TAF3: variants seen among roughly 807,000 people sequenced by gnomAD.
The protein encoded by TAF3 is TATA-box binding protein associated factor 3.
A neutral mutation model predicts 80.6 loss-of-function variants in TAF3; 7 were observed. The observed-to-expected ratio is 0.09, with a 90% CI of 0.05 to 0.16. The LOEUF is 0.16. TAF3 is among the 10% of genes least tolerant of loss of function. The pLI, the probability that TAF3 is intolerant of heterozygous loss-of-function variation, is 1.00. For synonymous variants in TAF3, 444 were observed against 446.1 expected (o/e 1.00, Z 0.06); for missense variants, 921 against 1,140.2 (o/e 0.81, Z 2.77).
chr10:7,821,495 A>G (rs538711841), intron 1 of TAF3, among the ~76,000 whole-genome samples: 1 of 152,248 alleles, frequency 6.6e-6, no homozygotes, highest in African/African-American at 2.4e-5. Flanking sequence ...TCAGGAAACA[A>G]CAAACTGATG....
chr10:7,995,759 G>A (rs1831881671), intron 4 of TAF3, among the ~76,000 whole-genome samples: 1 of 152,166 alleles, frequency 6.6e-6, no homozygotes. Flanking sequence ...ATGAGATGAT[G>A]TAAATATTAA....
chr10:7,965,483 C>T lies in TAF3; in HGVS notation c.1973C>T (p.Pro658Leu), dbSNP rs760100308. 1.2e-6 allele frequency: 2 copies of T among 1,609,156 alleles called. No homozygotes were observed. Among genetic ancestry groups the T allele is most frequent in the Admixed American group, 1.7e-5 (1 of 58,756 alleles). Residue 658 changes from proline to leucine, a missense_variant, in exon 3 of 7, where the codon CCA becomes CTA. Pro to Leu is a moderately conservative substitution (Grantham distance 98). This residue lies in a region of TAF3 where 743 missense variants were observed against 821.0 expected (regional missense o/e 0.90). Transcript: ENST00000344293. ...KAPAPPLVLP[P>L]KELALPLFSP... ...CCAGCACCCCCACTGGTGTTGCCCC[C>T]AAAAGAGTTGGCCCTGCCCTTGTTC...
At chr10:7,881,481 AT>A (rs1837361060) in intron 2 of TAF3, among the ~76,000 whole-genome samples, 2 of 136,436 alleles carry the variant, frequency 1.5e-5, no homozygotes, top group Non-Finnish European at 3.3e-5. Context: ...AGACACACAC[AT>A]ACACACAAAC....
intron 4 of TAF3, among the ~76,000 whole-genome samples, chr10:7,981,064 A>G (rs1433729694): frequency 1.3e-5 from 2 of 152,226 alleles, no homozygotes; most frequent in East Asian, 1.9e-4. Context: ...CAACTCTTCT[A>G]TAAAGCTCAA....
chr10:7,939,549 A>G (rs1295941105), intron 2 of TAF3, among the ~76,000 whole-genome samples: 1 of 151,124 alleles, frequency 6.6e-6, no homozygotes, highest in Non-Finnish European at 1.5e-5. Context: ...CCTCAGAAAT[A>G]GAGACAATGT....
intron 2 of TAF3, among the ~76,000 whole-genome samples, chr10:7,917,826 G>A (rs1480390360): frequency 6.6e-6 from 1 of 152,190 alleles, no homozygotes; most frequent in African/African-American, 2.4e-5. Flanking sequence ...ACTGAAAATG[G>A]ACCATTGGAT....
intron 2 of TAF3, among the ~76,000 whole-genome samples, chr10:7,830,326 T>TCCTC (rs1836785726): frequency 7.2e-6 from 1 of 139,568 alleles, no homozygotes; most frequent in African/African-American, 2.6e-5. Flanking sequence ...CCCCACCCCT[T>TCCTC]CCTCCCTCCC....
At chr10:7,886,114 TG>T (rs888361822) in intron 2 of TAF3, among the ~76,000 whole-genome samples, 1 of 151,856 alleles carries the variant, frequency 6.6e-6, no homozygotes, top group Non-Finnish European at 1.5e-5. Context: ...TGTAGAGATG[TG>T]GGGGGGTCTC....
At chr10:7,920,332 ATGTGTGTGTG>A (rs1347512701) in intron 2 of TAF3, among the ~76,000 whole-genome samples, 1 of 28,878 alleles carries the variant, frequency 3.5e-5, no homozygotes, top group Non-Finnish European at 1.0e-4. Context: ...GTGTGTGTGT[ATGTGTGTGTG>A]TGTGTGTAAA....
chr10:8,005,943 C>T (rs144033060), intron 4 of TAF3, among the ~76,000 whole-genome samples: 2 of 152,150 alleles, frequency 1.3e-5, no homozygotes, highest in Non-Finnish European at 2.9e-5. Flanking sequence ...TAGTAGTAAC[C>T]TGTGTTAATT....
At chr10:7,864,200 T>C (rs1432898366) in intron 2 of TAF3, among the ~76,000 whole-genome samples, 1 of 152,216 alleles carries the variant, frequency 6.6e-6, no homozygotes, top group Admixed American at 6.5e-5. Context: ...ACAGAGTAGT[T>C]TCACTGCCTT....
intron 2 of TAF3, among the ~76,000 whole-genome samples, chr10:7,959,398 T>G (rs1838168447): frequency 6.6e-6 from 1 of 152,228 alleles, no homozygotes; most frequent in South Asian, 2.1e-4. Context: ...TTCATTTCTA[T>G]TCCTTTAAAT....
chr10:8,014,515 C>T, intron 6 of TAF3, 122 bp from the exon 7 acceptor site: 3 of 776,978 alleles, frequency 3.9e-6, no homozygotes, highest in Non-Finnish European at 6.1e-6. Flanking sequence ...CAAGTTAGTG[C>T]TGCTTGACTT....
intron 2 of TAF3, among the ~76,000 whole-genome samples, chr10:7,840,404 G>A (rs1378133497): frequency 1.3e-5 from 2 of 151,674 alleles, no homozygotes; most frequent in Non-Finnish European, 2.9e-5. Context: ...CGCCCGCCTC[G>A]GCCTCCCAAA....
intron 2 of TAF3, among the ~76,000 whole-genome samples, chr10:7,928,649 T>C (rs1156538532): frequency 6.6e-6 from 1 of 152,216 alleles, no homozygotes; most frequent in African/African-American, 2.4e-5. Flanking sequence ...TTAGAACAGA[T>C]AAGGATGAAT....
intron 2 of TAF3, among the ~76,000 whole-genome samples, chr10:7,834,136 C>A (rs1479203522): frequency 1.3e-5 from 2 of 152,046 alleles, no homozygotes; most frequent in East Asian, 1.9e-4. Context: ...CACGTGTTTT[C>A]CTCCTCACCC....
At chr10:7,936,827 GCTTCT>G (rs1301086943) in intron 2 of TAF3, among the ~76,000 whole-genome samples, 1 of 151,586 alleles carries the variant, frequency 6.6e-6, no homozygotes, top group Non-Finnish European at 1.5e-5. Flanking sequence ...CCTCTTTGCT[GCTTCT>G]CTTCATCCCT....
In TAF3 at chr10:7,931,286, G is replaced by A. The variant is rs143981207; in HGVS notation, c.410-32634G>A. Reference sequence around the variant, plus strand: ...GTCACCGTGAAGTCAGGTAACTTCTGTGTGTGCTACTGCTGATCAATGGCA... The same window carrying A: ...GTCACCGTGAAGTCAGGTAACTTCTATGTGTGCTACTGCTGATCAATGGCA... On this transcript the variant is annotated intron_variant, in intron 2 of 6. Coordinates refer to ENST00000344293, the MANE Select transcript of TAF3 (RefSeq NM_031923.4). Among the ~76,000 whole-genome samples the A allele has an allele frequency of 3.7e-3, 567 of 152,202 alleles. 4 individuals are homozygous for A. The highest frequency in any genetic ancestry group is 0.02 in the South Asian group (97 of 4,820).
chr10:7,821,559 T>C (rs1240142579), intron 1 of TAF3, among the ~76,000 whole-genome samples: 1 of 152,252 alleles, frequency 6.6e-6, no homozygotes, highest in Non-Finnish European at 1.5e-5. Context: ...TATTAGAAGT[T>C]ACCATTAATT....
Sources: allele counts gnomAD v4.1 joint callset (sites outside exome capture counted in the v4.1 genomes callset), GRCh38; gene constraint gnomAD v4.1.1; regional missense constraint gnomAD v4.1.1; transcripts MANE v1.5; gene names NCBI Gene and HGNC (gene_info 2026-07-23, HGNC 2026-07-21).